Variants in BRWD1 observed in about 807,000 individuals in gnomAD.
BRWD1 encodes the protein bromodomain and WD repeat-containing protein 1.
A neutral mutation model predicts 251.2 loss-of-function variants in BRWD1; 82 were observed. That is an observed-to-expected ratio of 0.33 (90% CI 0.27 to 0.39). The LOEUF (loss-of-function observed/expected upper bound fraction) is 0.39, where lower values mean the gene tolerates loss of function less well. BRWD1 is among the 10% of genes least tolerant of loss of function. The probability of loss-of-function intolerance (pLI) is 1.00; values close to 1 mark genes in which losing one functional copy is unlikely to be tolerated. For missense variants in BRWD1, 2,233 were observed against 2,711.6 expected, an observed-to-expected ratio of 0.82 and a Z score of 3.92; for synonymous variants, 918 against 902.8, an observed-to-expected ratio of 1.02 and a Z score of -0.30.
intron 23 of BRWD1, chr21:39,235,929 A>G: frequency 5.1e-6 from 1 of 194,340 alleles, no homozygotes; most frequent in Non-Finnish European, 1.1e-5. Flanking sequence ...GTCCTGCCAG[A>G]TCTGTGTCAT....
At position 39,190,838 on chromosome 21, in the gene BRWD1, T is replaced by C. The variant is rs550868951; in HGVS notation, c.*5421A>G. 189 of 985,334 alleles carry C rather than the reference T, an allele frequency of 1.9e-4. 1 individual carries two copies. In the African/African-American group the frequency reaches 3.2e-3, roughly 17 times the overall value. The allele number at this position is 985,334 out of a possible 1,614,324, so 61.0% of individuals were successfully genotyped here. A position where few individuals can be genotyped will look rare whatever the true frequency, so the allele number is the denominator to read the frequency against. ...CAAAAGACCATCAGAAATAATTCCA[T>C]GAACTAGTTCATTAGCTTATTCATT... On this transcript the variant is annotated 3_prime_UTR_variant, in exon 41 of 41. Coordinates refer to ENST00000342449, the MANE Select transcript of BRWD1 (RefSeq NM_033656.4).
intron 4 of BRWD1, among the ~76,000 whole-genome samples, chr21:39,308,244 G>T (rs8128620): frequency 6.6e-6 from 1 of 151,952 alleles, no homozygotes; most frequent in African/African-American, 2.4e-5. Context: ...CACTTTGGGA[G>T]GCCAATGCAG....
intron 19 of BRWD1, among the ~76,000 whole-genome samples, chr21:39,254,621 C>T (rs974045479): frequency 2.0e-5 from 3 of 152,208 alleles, no homozygotes; most frequent in Admixed American, 2.0e-4. Context: ...ATCTACTCTG[C>T]CTTTCCTACA....
intron 14 of BRWD1, 21 bp downstream of exon 14, chr21:39,270,262 A>G (rs2035057195): frequency 3.9e-6 from 6 of 1,528,234 alleles, no homozygotes; most frequent in Non-Finnish European, 5.3e-6. Flanking sequence ...CATTTGTTAC[A>G]CTGTACCAGA....
At chr21:39,317,850 A>C (rs2036713774), upstream of BRWD1, among the ~76,000 whole-genome samples, 1 of 152,220 alleles carries the variant, frequency 6.6e-6, no homozygotes, top group African/African-American at 2.4e-5. Flanking sequence ...CAGGAGTTCA[A>C]GGCTGGTCTT....
intron 8 of BRWD1, among the ~76,000 whole-genome samples, chr21:39,289,659 G>A (rs905040489): frequency 6.6e-6 from 1 of 152,052 alleles, no homozygotes; most frequent in Non-Finnish European, 1.5e-5. Flanking sequence ...CAGAATTATT[G>A]ACTGGCATTT....
Position 39,293,490 on chromosome 21 carries a change from C to G in BRWD1, c.831+321G>C, listed in dbSNP as rs138441064. 4.2e-3 allele frequency among the ~76,000 whole-genome samples: 612 copies of G among 146,354 alleles called. 15 individuals are homozygous for G. The East Asian group carries it at 0.092, about 22-fold the overall frequency. Reference sequence around the variant, plus strand: ...CCTGGGCAACAGAACAAGACTCAGTCTCAAAAAAAAAAAAAAATCAACTTA... The same window carrying G: ...CCTGGGCAACAGAACAAGACTCAGTGTCAAAAAAAAAAAAAAATCAACTTA... On this transcript the variant is annotated intron_variant, in intron 8 of 40. Coordinates refer to ENST00000342449, the MANE Select transcript of BRWD1 (RefSeq NM_033656.4).
upstream of BRWD1, chr21:39,313,753 C>G (rs369592934): frequency 3.1e-5 from 12 of 384,466 alleles, no homozygotes; most frequent in East Asian, 2.7e-4. Context: ...CCCGGGGAGG[C>G]GAACCTCGCT....
intron 21 of BRWD1, among the ~76,000 whole-genome samples, chr21:39,246,562 T>C (rs1208605686): frequency 6.6e-6 from 1 of 152,172 alleles, no homozygotes; most frequent in Non-Finnish European, 1.5e-5. Flanking sequence ...GTCATGAATG[T>C]TGATAAGCAG....
In BRWD1 at chr21:39,295,872, C is replaced by A; in HGVS notation, c.480G>T (p.Gly160=). The A allele has an allele frequency of 6.2e-7, 1 of 1,603,042 alleles. No individual in the cohort carries two copies. Among genetic ancestry groups the A allele is most frequent in the Non-Finnish European group, 8.5e-7 (1 of 1,173,790 alleles). Residue 160 remains glycine (G), a synonymous_variant, in exon 7 of 41, where the codon GGG becomes GGT. Transcript: ENST00000342449. ...VEIHRGKQLT[G]CSTFSTAFPG... ...GAAATGCTGTACTAAAAGTGGAACA[C>A]CCTGTGAGTTGTTTTCCTCGATGTA...
At chr21:39,209,471 CATA>C (rs938447280) in intron 36 of BRWD1, among the ~76,000 whole-genome samples, 4 of 151,736 alleles carry the variant, frequency 2.6e-5, no homozygotes, top group Non-Finnish European at 5.9e-5. Context: ...AACCCTGTGT[CATA>C]ATATTAGCTT....
rs768110545 is a variant in BRWD1, at chr21:39,236,795, G to A, written c.2577-11C>T. The A allele has an allele frequency of 2.5e-6, 4 of 1,609,994 alleles. No homozygotes were observed. In the South Asian group the frequency reaches 4.4e-5, roughly 18 times the overall value. On this transcript the variant is annotated splice_polypyrimidine_tract_variant and intron_variant, in intron 22 of 40. Coordinates refer to ENST00000342449, the MANE Select transcript of BRWD1 (RefSeq NM_033656.4). ...CTAGATGAAGAGTCACTAGAAAAGG[G>A]GAGTGCTTTCAGTTGAATGGAGCCA...
At chr21:39,201,631 CTGAT>C (rs1383830441) in intron 38 of BRWD1, among the ~76,000 whole-genome samples, 5 of 152,332 alleles carry the variant, frequency 3.3e-5, no homozygotes, top group African/African-American at 1.2e-4. Flanking sequence ...CCAGCATACT[CTGAT>C]TGGACATTCC....
At position 39,196,723 on chromosome 21, in the gene BRWD1, G is replaced by C. The variant is rs2031837449; in HGVS notation, c.6346C>G (p.His2116Asp). Residue 2116 changes from histidine to aspartate, a missense_variant, in exon 41 of 41, where the codon CAT becomes GAT. His to Asp is a moderately conservative substitution (Grantham distance 81). Coordinates refer to ENST00000342449, the MANE Select transcript of BRWD1 (RefSeq NM_033656.4). ...KAPFSKTKVI[H>D]DSQETAEKEV... ...TTCTCTGCTGTTTCCTGTGAATCATGAATCACTTTTGTCTTACTAAAAGGA... is the reference window on the plus strand; with the variant it reads ...TTCTCTGCTGTTTCCTGTGAATCATCAATCACTTTTGTCTTACTAAAAGGA... 2 of 1,613,762 alleles carry C rather than the reference G, an allele frequency of 1.2e-6. No homozygotes were observed. The highest frequency in any genetic ancestry group is 1.3e-5 in the African/African-American group (1 of 75,014).
At chr21:39,224,321 G>T in intron 29 of BRWD1, 87 bp downstream of exon 29, 1 of 705,344 alleles carries the variant, frequency 1.4e-6, no homozygotes, top group Non-Finnish European at 2.3e-6. Flanking sequence ...ATTGATCATA[G>T]AATACAAATA....
intron 15 of BRWD1, among the ~76,000 whole-genome samples, chr21:39,268,377 G>C (rs1462034818): frequency 6.6e-6 from 1 of 150,390 alleles, no homozygotes; most frequent in Non-Finnish European, 1.5e-5. Flanking sequence ...GGAGGCGGAG[G>C]TCGCAGCGAC....
chr21:39,190,314 A>C lies in BRWD1; in HGVS notation c.*5945T>G. 1 of 985,094 alleles carries C rather than the reference A, an allele frequency of 1.0e-6. No homozygotes were observed. Among genetic ancestry groups the C allele is most frequent in the Non-Finnish European group, 1.2e-6 (1 of 829,646 alleles). The allele number at this position is 985,094 out of a possible 1,614,324, so 61.0% of individuals were successfully genotyped here. ...AAACTGTTTTCCTAAATTCAAAGTA[A>C]ACTGCATATGGTTACTACAGAAGCA... On this transcript the variant is annotated 3_prime_UTR_variant, in exon 41 of 41. Transcript: ENST00000342449.
At chr21:39,231,983 G>C (rs1568894540) in intron 25 of BRWD1, among the ~76,000 whole-genome samples, 194 bp downstream of exon 25, 1 of 152,074 alleles carries the variant, frequency 6.6e-6, no homozygotes, top group Non-Finnish European at 1.5e-5. Context: ...ACACCAATCA[G>C]CAACATACAA....
At chr21:39,242,447 G>T (rs1168037607) in intron 21 of BRWD1, among the ~76,000 whole-genome samples, 1 of 152,216 alleles carries the variant, frequency 6.6e-6, no homozygotes, top group East Asian at 1.9e-4. Context: ...ATGAGGTTTA[G>T]GGAAAGAAGG....
Sources: allele counts gnomAD v4.1 joint callset (sites outside exome capture counted in the v4.1 genomes callset), GRCh38; gene constraint gnomAD v4.1.1; transcripts MANE v1.5; gene names NCBI Gene and HGNC (gene_info 2026-07-23, HGNC 2026-07-21).